NKAIN3: variants seen among roughly 807,000 people sequenced by gnomAD.
NKAIN3 encodes sodium/potassium transporting ATPase interacting 3.
In NKAIN3, 25 loss-of-function variants were observed where a neutral mutation model predicts 30.2. The observed-to-expected ratio is 0.83, with a 90% confidence interval of 0.60 to 1.16. NKAIN3 has a LOEUF of 1.16. NKAIN3 is among the 50% of genes most tolerant of loss of function. The pLI, the probability that NKAIN3 is intolerant of heterozygous loss-of-function variation, is 0.00. For synonymous variants in NKAIN3, 91 were observed against 89.6 expected, an observed-to-expected ratio of 1.02 and a Z score of -0.09; for missense variants, 225 against 254.1, an observed-to-expected ratio of 0.89 and a Z score of 0.78.
chr8:62,518,576 G>C (rs1303369164), intron 1 of NKAIN3, among the ~76,000 whole-genome samples: 2 of 152,026 alleles, frequency 1.3e-5, no homozygotes, highest in African/African-American at 4.8e-5. Flanking sequence ...ATAATCAGGA[G>C]TATTGAGAAT....
At chr8:62,625,585 G>C (rs1739889529) in intron 3 of NKAIN3, among the ~76,000 whole-genome samples, 1 of 151,988 alleles carries the variant, frequency 6.6e-6, no homozygotes, top group African/African-American at 2.4e-5. Flanking sequence ...CTGCTAATGG[G>C]GACAATAATA....
Position 62,969,818 on chromosome 8 carries a change from G to T in NKAIN3, c.*4411G>T, listed in dbSNP as rs1823792916. 6.6e-6 allele frequency among the ~76,000 whole-genome samples: 1 copy of T among 152,064 alleles called. No individual in the cohort carries two copies. Among genetic ancestry groups the T allele is most frequent in the Admixed American group, 6.6e-5 (1 of 15,266 alleles). On this transcript the variant is annotated 3_prime_UTR_variant, in exon 7 of 7. Coordinates refer to ENST00000623646, the MANE Select transcript of NKAIN3 (RefSeq NM_001304533.3). ...ATGTTGAAATATTTGTGATAAATAG[G>T]CCACAACTTAAGGATATTATGCCCA... is the stretch of plus-strand genomic sequence containing the variant.
At chr8:62,314,808 T>A (rs1008590785) in intron 1 of NKAIN3, among the ~76,000 whole-genome samples, 1 of 152,300 alleles carries the variant, frequency 6.6e-6, no homozygotes, top group South Asian at 2.1e-4. Context: ...TTTTAAAACA[T>A]ACACTTTGTG....
intron 5 of NKAIN3, among the ~76,000 whole-genome samples, chr8:62,997,123 T>A (rs1804135230): frequency 1.3e-5 from 2 of 152,192 alleles, no homozygotes; most frequent in Admixed American, 1.3e-4. Context: ...GGCTGTCTTA[T>A]GAAGACCAGC....
At chr8:62,818,293 G>A (rs555805336) in intron 4 of NKAIN3, among the ~76,000 whole-genome samples, 2 of 152,234 alleles carry the variant, frequency 1.3e-5, no homozygotes, top group East Asian at 3.9e-4. Context: ...GCAACTTTCT[G>A]TGAGATCGTA....
chr8:62,808,186 G>A (rs984879466), intron 4 of NKAIN3, among the ~76,000 whole-genome samples: 1 of 152,070 alleles, frequency 6.6e-6, no homozygotes, highest in African/African-American at 2.4e-5. Flanking sequence ...CCACGTGCTT[G>A]TCAATGTCTT....
chr8:62,826,468 G>A (rs1468538367), intron 4 of NKAIN3, among the ~76,000 whole-genome samples: 1 of 152,128 alleles, frequency 6.6e-6, no homozygotes, highest in Non-Finnish European at 1.5e-5. Flanking sequence ...CTCTTAGGCA[G>A]TACATATTAA....
intron 1 of NKAIN3, among the ~76,000 whole-genome samples, chr8:62,352,284 A>T (rs1239487590): frequency 6.6e-6 from 1 of 152,156 alleles, no homozygotes; most frequent in Admixed American, 6.5e-5. Context: ...GTGACCTCTC[A>T]TCCCTCAGCA....
At chr8:62,747,310 A>G (rs888448555) in intron 4 of NKAIN3, among the ~76,000 whole-genome samples, 181 bp downstream of exon 4, 8 of 152,158 alleles carry the variant, frequency 5.3e-5, no homozygotes, top group Admixed American at 1.3e-4. Flanking sequence ...TTCTCTTGGT[A>G]TCTAGACATT....
At chr8:62,643,437 T>A (rs1186281051) in intron 3 of NKAIN3, among the ~76,000 whole-genome samples, 1 of 152,106 alleles carries the variant, frequency 6.6e-6, no homozygotes. Context: ...CCTAGTTGAA[T>A]ACCGATGTGG....
rs62508117 is a variant in NKAIN3, at chr8:62,992,259, G to A, written c.533-6972G>A. On this transcript the variant is annotated intron_variant, in intron 5 of 5. Transcript: ENST00000519049. ...ACTCCTGACCTCAAGTGATCCACCC[G>A]CCTCAGCCTCCCAAAGTGCTGGGAT... Among the ~76,000 whole-genome samples, 335 of 151,658 alleles carry A rather than the reference G, an allele frequency of 2.2e-3. 4 individuals carry two copies. Among genetic ancestry groups the A allele is most frequent in the African/African-American group, 6.6e-3 (272 of 41,158 alleles).
At chr8:62,529,674 C>G (rs913537028) in intron 1 of NKAIN3, among the ~76,000 whole-genome samples, 1 of 152,060 alleles carries the variant, frequency 6.6e-6, no homozygotes, top group Admixed American at 6.6e-5. Context: ...AGCTCAGCCT[C>G]CAGAACATGA....
At chr8:62,882,928 TACCAC>T (rs1181768853) in intron 4 of NKAIN3, among the ~76,000 whole-genome samples, 1 of 152,180 alleles carries the variant, frequency 6.6e-6, no homozygotes, top group Admixed American at 6.5e-5. Flanking sequence ...TCTGTGCCAA[TACCAC>T]TCTCTCTATT....
intron 4 of NKAIN3, among the ~76,000 whole-genome samples, chr8:62,893,208 C>A (rs1361686340): frequency 1.3e-5 from 2 of 152,178 alleles, no homozygotes; most frequent in East Asian, 3.9e-4. Context: ...CCCTCTGGGT[C>A]AAGGCTCCTC....
rs73685416 is a variant in NKAIN3, at chr8:62,648,635, C to T, written c.273+58841C>T. Reference sequence around the variant, plus strand: ...TGAGACACTTTCAGGAAAACCTTACCTTACAGAAGGAATCCCCTTAACAAA... The same window carrying T: ...TGAGACACTTTCAGGAAAACCTTACTTTACAGAAGGAATCCCCTTAACAAA... On this transcript the variant is annotated intron_variant, in intron 3 of 6. Coordinates refer to ENST00000623646, the MANE Select transcript of NKAIN3 (RefSeq NM_001304533.3). 9.6e-3 allele frequency among the ~76,000 whole-genome samples: 1,455 copies of T among 152,276 alleles called. 17 individuals are homozygous for T. The highest frequency in any genetic ancestry group is 0.033 in the African/African-American group (1,352 of 41,558).
chr8:62,771,372 G>A (rs1016012555), intron 4 of NKAIN3, among the ~76,000 whole-genome samples: 7 of 151,980 alleles, frequency 4.6e-5, no homozygotes, highest in Admixed American at 3.3e-4. Flanking sequence ...TTTTATAATT[G>A]AAAATTACAA....
At position 62,913,068 on chromosome 8, in the gene NKAIN3, T is replaced by C. The variant is rs147460754; in HGVS notation, c.472-5385T>C. On this transcript the variant is annotated intron_variant, in intron 4 of 6. Coordinates refer to ENST00000623646, the MANE Select transcript of NKAIN3 (RefSeq NM_001304533.3). ...TCAGGGGCAATAACAGGCATGGAGC[T>C]GTCATCTCCTATGATCTCCTATGAT... Among the ~76,000 whole-genome samples the C allele has an allele frequency of 3.2e-3, 493 of 152,264 alleles. 6 individuals carry two copies. Among genetic ancestry groups the C allele is most frequent in the Admixed American group, 0.024 (369 of 15,292 alleles).
intron 1 of NKAIN3, among the ~76,000 whole-genome samples, chr8:62,385,993 C>T (rs1817414120): frequency 6.6e-6 from 1 of 152,228 alleles, no homozygotes; most frequent in Non-Finnish European, 1.5e-5. Context: ...TCTACGTTGC[C>T]TCTCCAACAG....
chr8:62,736,481 C>G (rs1209695575), intron 3 of NKAIN3, among the ~76,000 whole-genome samples: 1 of 152,182 alleles, frequency 6.6e-6, no homozygotes, highest in Non-Finnish European at 1.5e-5. Flanking sequence ...AGTGACAGGC[C>G]TCACTCAGCT....
Sources: allele counts gnomAD v4.1 joint callset (sites outside exome capture counted in the v4.1 genomes callset), GRCh38; gene constraint gnomAD v4.1.1; transcripts MANE v1.5; gene names NCBI Gene and HGNC (gene_info 2026-07-23, HGNC 2026-07-21).